ATL3: variants seen among roughly 807,000 people sequenced by gnomAD.
ATL3 encodes the protein atlastin GTPase 3.
A neutral mutation model predicts 69.5 loss-of-function variants in ATL3; 49 were observed. The ratio of observed to expected loss-of-function variants is 0.71; its 90% CI spans 0.56 to 0.89. ATL3 has a LOEUF of 0.89. ATL3 is among the 40% of genes least tolerant of loss of function. ATL3 has a pLI of 0.00. For missense variants in ATL3, 606 were observed against 645.7 expected (o/e 0.94, Z 0.67); for synonymous variants, 214 against 224.1 (o/e 0.95, Z 0.40).
intron 1 of ATL3, among the ~76,000 whole-genome samples, chr11:63,670,773 C>T (rs1940744308): frequency 6.6e-6 from 1 of 152,258 alleles, no homozygotes; most frequent in Non-Finnish European, 1.5e-5. Context: ...GCTTCCAAGA[C>T]ACTTCGCAGC....
chr11:63,666,199 C>A (rs181379741), intron 1 of ATL3, among the ~76,000 whole-genome samples: 2 of 152,200 alleles, frequency 1.3e-5, no homozygotes, highest in East Asian at 1.9e-4. Flanking sequence ...CCCACCACCA[C>A]GCCTAATTTT....
At chr11:63,640,569 TA>T (rs1185500986) in intron 8 of ATL3, among the ~76,000 whole-genome samples, 8 of 150,610 alleles carry the variant, frequency 5.3e-5, no homozygotes, top group Admixed American at 2.7e-4. Context: ...AGTTATTCTC[TA>T]TGATAATAAT....
chr11:63,654,199 T>C (rs1338475444), intron 3 of ATL3, among the ~76,000 whole-genome samples: 1 of 149,294 alleles, frequency 6.7e-6, no homozygotes, highest in Non-Finnish European at 1.5e-5. Flanking sequence ...CAGGCTGGAG[T>C]GCAGTGGCGC....
At chr11:63,664,426 G>C (rs913851270) in intron 1 of ATL3, among the ~76,000 whole-genome samples, 2 of 151,448 alleles carry the variant, frequency 1.3e-5, no homozygotes, top group Non-Finnish European at 2.9e-5. Context: ...CGTAATCCCA[G>C]CTACTCGGGA....
chr11:63,646,154 T>C (rs762364413), intron 6 of ATL3, among the ~76,000 whole-genome samples: 13 of 152,114 alleles, frequency 8.5e-5, no homozygotes, highest in Non-Finnish European at 1.9e-4. Flanking sequence ...CTCCCCAAAG[T>C]GCTGGGATTA....
chr11:63,656,023 G>A (rs1940233502), intron 3 of ATL3, among the ~76,000 whole-genome samples: 1 of 151,906 alleles, frequency 6.6e-6, no homozygotes, highest in Non-Finnish European at 1.5e-5. Flanking sequence ...AGGAGATCGA[G>A]ACCATCCTGG....
At chr11:63,669,313 TCAC>T (rs1940696990) in intron 1 of ATL3, among the ~76,000 whole-genome samples, 1 of 151,756 alleles carries the variant, frequency 6.6e-6, no homozygotes, top group Admixed American at 6.6e-5. Flanking sequence ...GCTAGGAGGA[TCAC>T]CTGAGGTCAG....
At chr11:63,632,338 T>C in intron 11 of ATL3, 1 of 853,834 alleles carries the variant, frequency 1.2e-6, no homozygotes, top group East Asian at 2.4e-5. Context: ...TTCTGGACCA[T>C]CAATGGAGCC....
intron 11 of ATL3, chr11:63,632,315 G>C (rs937738535): frequency 2.5e-6 from 2 of 787,880 alleles, no homozygotes; most frequent in Non-Finnish European, 4.7e-6. Flanking sequence ...TACGTTGGTG[G>C]TGTTGTCATG....
chr11:63,671,845 C>CA (rs1394027971), upstream of ATL3: 7 of 726,270 alleles, frequency 9.6e-6, no homozygotes, highest in Admixed American at 1.1e-4. Context: ...GCCTAACGTG[C>CA]AGACCAGGCC....
chr11:63,670,053 C>A (rs1472616485), intron 1 of ATL3, among the ~76,000 whole-genome samples: 1 of 152,108 alleles, frequency 6.6e-6, no homozygotes, highest in Non-Finnish European at 1.5e-5. Flanking sequence ...TTGCAATCAG[C>A]CGAGATCGCG....
rs1453227485 is a variant in ATL3, at chr11:63,636,283, AATAC to A, written c.898_901del (p.Val300Ter). The A allele has an allele frequency of 6.2e-7, 1 of 1,614,066 alleles. No individual in the cohort carries two copies. Among genetic ancestry groups the A allele is most frequent in the East Asian group, 2.2e-5 (1 of 44,894 alleles). ...CTTTTCCATTAACTTAGATGGGTTT[AATAC>A]ATACGGTATCAGTGCCTGTAACTGC... On this transcript the variant is annotated frameshift_variant, in exon 9 of 13. Transcript: ENST00000398868. LOFTEE classifies it high-confidence loss of function.
At chr11:63,649,380 A>G (rs74939068) in intron 5 of ATL3, among the ~76,000 whole-genome samples, 1 of 152,038 alleles carries the variant, frequency 6.6e-6, no homozygotes, top group Non-Finnish European at 1.5e-5. Flanking sequence ...TCCTGACCTC[A>G]TGATTCACCT....
intron 3 of ATL3, among the ~76,000 whole-genome samples, chr11:63,657,326 C>G (rs560777688): frequency 6.6e-6 from 1 of 152,242 alleles, no homozygotes; most frequent in South Asian, 2.1e-4. Context: ...CCCTCCCGAT[C>G]CTTACAAAGA....
Position 63,626,933 on chromosome 11 carries a change from C to G in ATL3, c.*2386G>C, listed in dbSNP as rs1199443730. ...AACTTTATAAAACACTTTCCAGAAGCAGAACTAAGAAAAAAAAAAAATGGT... is the reference window on the plus strand; with the variant it reads ...AACTTTATAAAACACTTTCCAGAAGGAGAACTAAGAAAAAAAAAAAATGGT... On this transcript the variant is annotated 3_prime_UTR_variant, in exon 13 of 13. Coordinates refer to ENST00000398868, the MANE Select transcript of ATL3 (RefSeq NM_015459.5). The G allele has an allele frequency of 3.3e-5, 5 of 149,292 alleles. No individual in the cohort carries two copies. In the East Asian group the frequency reaches 9.8e-4, roughly 29 times the overall value. 9.2% of individuals were successfully genotyped at this position (149,292 alleles called of 1,614,324 possible). A position where few individuals can be genotyped will look rare whatever the true frequency, so the allele number is the denominator to read the frequency against.
At chr11:63,652,609 A>T (rs775146650) in intron 3 of ATL3, 34 bp from the exon 4 acceptor site, 1 of 1,491,776 alleles carries the variant, frequency 6.7e-7, no homozygotes, top group South Asian at 1.2e-5. Context: ...AAAAGAGATT[A>T]AACTAAGAAG....
At chr11:63,633,696 C>T (rs1287192027) in intron 10 of ATL3, among the ~76,000 whole-genome samples, 1 of 130,432 alleles carries the variant, frequency 7.7e-6, no homozygotes, top group Non-Finnish European at 1.6e-5. Context: ...ATTGCTCCAA[C>T]TTTAAGAAAT....
At chr11:63,631,735 A>G (rs1465205122) in intron 11 of ATL3, among the ~76,000 whole-genome samples, 2 of 152,174 alleles carry the variant, frequency 1.3e-5, no homozygotes, top group Non-Finnish European at 2.9e-5. Context: ...TAATCCCAGC[A>G]CTTTCGGAGG....
intron 1 of ATL3, among the ~76,000 whole-genome samples, chr11:63,661,221 CAAA>C (rs1229211370): frequency 4.8e-5 from 4 of 84,008 alleles, no homozygotes; most frequent in Non-Finnish European, 9.8e-5. Context: ...GACTTGGTCT[CAAA>C]AAAAAAAAAA....
Sources: gnomAD v4.1 joint callset for allele counts (sites outside exome capture counted in the v4.1 genomes callset) on GRCh38, gnomAD v4.1.1 for gene constraint, MANE v1.5 for transcripts, NCBI Gene and HGNC (gene_info 2026-07-23, HGNC 2026-07-21) for gene names.